The following COL4A5 variants were observed in gnomAD, a reference collection of about 807,000 sequenced individuals.
COL4A5 encodes the protein collagen alpha-5(IV) chain.
In COL4A5, 26 loss-of-function variants were observed where a neutral mutation model predicts 130.2. The observed-to-expected ratio is 0.20, with a 90% CI of 0.15 to 0.28. The LOEUF is 0.28. Ranked by LOEUF, COL4A5 falls within the 10% of genes least tolerant of loss-of-function variation. The pLI is 1.00. For missense variants in COL4A5, 1,131 were observed against 1,344.3 expected, an observed-to-expected ratio of 0.84 and a Z score of 2.48; for synonymous variants, 496 against 439.6, an observed-to-expected ratio of 1.13 and a Z score of -1.60.
intron 1 of COL4A5, among the ~76,000 whole-genome samples, chrX:108,457,183 G>A (rs772027066): frequency 8.9e-6 from 1 of 111,966 alleles, no homozygotes; most frequent in Non-Finnish European, 1.9e-5. Flanking sequence ...CAAGTCTTTG[G>A]GTAGACAAAT....
intron 1 of COL4A5, among the ~76,000 whole-genome samples, chrX:108,478,240 G>T (rs1046906530): frequency 1.8e-5 from 2 of 111,509 alleles, no homozygotes; most frequent in South Asian, 7.7e-4. Flanking sequence ...AGGTAGGAGG[G>T]GCCCAAAGTG....
intron 29 of COL4A5, among the ~76,000 whole-genome samples, chrX:108,613,876 G>A (rs2066880089): frequency 8.9e-6 from 1 of 111,826 alleles, no homozygotes; most frequent in South Asian, 3.7e-4. Flanking sequence ...AAAACAGTTT[G>A]ACAATTTCTT....
chrX:108,655,526 G>T, intron 37 of COL4A5, 69 bp downstream of exon 37: 1 of 1,130,332 alleles, frequency 8.8e-7, no homozygotes, highest in Non-Finnish European at 1.2e-6. Flanking sequence ...TCACAGAGCA[G>T]CTTCTTATTT....
At chrX:108,562,366 G>A (rs1199510938) in intron 3 of COL4A5, among the ~76,000 whole-genome samples, 1 of 111,884 alleles carries the variant, frequency 8.9e-6, no homozygotes, top group African/African-American at 3.2e-5. Flanking sequence ...ATTAGGGACT[G>A]AGTTTCTTGC....
intron 44 of COL4A5, among the ~76,000 whole-genome samples, chrX:108,679,325 T>C (rs1363126769): frequency 8.9e-6 from 1 of 111,831 alleles, no homozygotes; most frequent in African/African-American, 3.2e-5. Context: ...AGTGGCAAAA[T>C]GATGTTGTTT....
chrX:108,506,711 G>A lies in COL4A5; in HGVS notation c.82-33035G>A, dbSNP rs146744557. Reference sequence around the variant, plus strand: ...TGTGTGGCCTGGTTCCTAATGGTACGATTTGGTTCCATAGACTGGTACCTG... The same window carrying A: ...TGTGTGGCCTGGTTCCTAATGGTACAATTTGGTTCCATAGACTGGTACCTG... On this transcript the variant is annotated intron_variant, in intron 1 of 52. Coordinates refer to ENST00000328300, the MANE Select transcript of COL4A5 (RefSeq NM_033380.3). Among the ~76,000 whole-genome samples the A allele has an allele frequency of 1.5e-3, 170 of 110,886 alleles. 1 individual carries two copies. The East Asian group carries it at 0.044, about 28-fold the overall frequency.
intron 29 of COL4A5, among the ~76,000 whole-genome samples, chrX:108,609,427 A>G (rs889817917): frequency 5.4e-5 from 6 of 111,355 alleles, no homozygotes; most frequent in Non-Finnish European, 1.1e-4. Flanking sequence ...ATTTTGAAAG[A>G]TGGTTTGTTT....
chrX:108,598,783 G>A lies in COL4A5; in HGVS notation c.1861G>A (p.Gly621Ser), dbSNP rs104886141. 8.3e-7 allele frequency: 1 copy of A among 1,210,730 alleles called. No homozygotes were observed. The highest frequency in any genetic ancestry group is 1.1e-6 in the Non-Finnish European group (1 of 894,697). The change falls in exon 25 of 53, where the codon GGT becomes AGT. Residue 621 changes from glycine to serine, a missense_variant. By Grantham distance (56) the Gly-to-Ser change is moderately conservative. Coordinates refer to ENST00000328300, the MANE Select transcript of COL4A5 (RefSeq NM_033380.3). ...CCTCCCAGGGAATATAGGGCCTATG[G>A]GTCCCCCTGGTTTCGGCCCTCCAGG... ...PGLPGNIGPMGPPGFGPPGPV... is the reference protein window; with the variant it reads ...PGLPGNIGPMSPPGFGPPGPV...
Position 108,547,530 on chromosome X carries a change from C to T in COL4A5, c.141+7725C>T, listed in dbSNP as rs191561891. Among the ~76,000 whole-genome samples the T allele has an allele frequency of 1.5e-4, 17 of 111,975 alleles. No individual in the cohort carries two copies. The South Asian group carries it at 3.4e-3, about 22-fold the overall frequency. ...GTCAGTCTGCCCCTACTGGGGGTTG[C>T]GTCCCAGTTAGGCTACTCAGGGGTC... On this transcript the variant is annotated intron_variant, in intron 2 of 52. Coordinates refer to ENST00000328300, the MANE Select transcript of COL4A5 (RefSeq NM_033380.3).
At chrX:108,471,994 C>A (rs1297812505) in intron 1 of COL4A5, among the ~76,000 whole-genome samples, 2 of 111,264 alleles carry the variant, frequency 1.8e-5, no homozygotes, top group Non-Finnish European at 3.8e-5. Context: ...TTCCTCGTTA[C>A]AATTTCCTTC....
At chrX:108,461,781 G>C (rs974593419) in intron 1 of COL4A5, among the ~76,000 whole-genome samples, 1 of 111,019 alleles carries the variant, frequency 9.0e-6, no homozygotes, top group African/African-American at 3.3e-5. Flanking sequence ...CTTTAGTAGA[G>C]ACAGGTTTTC....
At chrX:108,640,600 T>A (rs1184466508) in intron 36 of COL4A5, among the ~76,000 whole-genome samples, 1 of 111,715 alleles carries the variant, frequency 9.0e-6, no homozygotes, top group Non-Finnish European at 1.9e-5. Context: ...TTAACTAATT[T>A]CATTGTGGAT....
chrX:108,662,711 G>T (rs1022482525), intron 37 of COL4A5, among the ~76,000 whole-genome samples: 1 of 111,647 alleles, frequency 9.0e-6, no homozygotes, highest in Non-Finnish European at 1.9e-5. Context: ...AGGAAATAAG[G>T]ACACAAACAA....
At position 108,623,450 on chromosome X, in the gene COL4A5, C is replaced by CTTTTT. The variant is rs370251484; in HGVS notation, c.2917+625_2917+626insTTTTT. 7.0e-5 allele frequency among the ~76,000 whole-genome samples: 7 copies of CTTTTT among 99,484 alleles called. No homozygotes were observed. In the East Asian group the frequency reaches 2.2e-3, roughly 31 times the overall value. 86.4% of individuals were successfully genotyped at this position (99,484 alleles called of 115,157 possible). On this transcript the variant is annotated intron_variant, in intron 33 of 52. Coordinates refer to ENST00000328300, the MANE Select transcript of COL4A5 (RefSeq NM_033380.3). ...CGTGGGGTTTTCAATAAAAAAAAAA[C>CTTTTT]CTTTTTTATAGAAGTATAACATGTT...
chrX:108,647,344 T>C (rs1475502285), intron 36 of COL4A5, among the ~76,000 whole-genome samples: 1 of 111,695 alleles, frequency 9.0e-6, no homozygotes, highest in Non-Finnish European at 1.9e-5. Context: ...TTTGAAGCAA[T>C]TGTGAATGGG....
chrX:108,601,678 C>T (rs763122408), intron 26 of COL4A5, among the ~76,000 whole-genome samples, 193 bp downstream of exon 26: 17 of 109,835 alleles, frequency 1.5e-4, no homozygotes, highest in African/African-American at 5.3e-4. Context: ...TTACAGGCGC[C>T]CACCACCACG....
intron 1 of COL4A5, among the ~76,000 whole-genome samples, chrX:108,468,429 T>C (rs60075631): frequency 0.1 from 11,594 of 111,733 alleles, 1,297 homozygotes; most frequent in African/African-American, 0.33. Flanking sequence ...GCATCCTTAG[T>C]TTGTTCCTGA....
In COL4A5 at chrX:108,548,203, C is replaced by T. The variant is rs192863197; in HGVS notation, c.141+8398C>T. Among the ~76,000 whole-genome samples the T allele has an allele frequency of 2.6e-3, 290 of 112,075 alleles. 1 individual carries two copies. Among genetic ancestry groups the T allele is most frequent in the African/African-American group, 8.9e-3 (274 of 30,829 alleles). ...AATTACCTGTCTTCTGCATCGCTCA[C>T]GCTGGGAGCTGTAGACTGGGGCTGT... is the stretch of plus-strand genomic sequence containing the variant. On this transcript the variant is annotated intron_variant, in intron 2 of 52. Coordinates refer to ENST00000328300, the MANE Select transcript of COL4A5 (RefSeq NM_033380.3).
chrX:108,586,668 G>T lies in COL4A5; in HGVS notation c.1086G>T (p.Gly362=), dbSNP rs773438026. The change falls in exon 19 of 53, where the codon GGG becomes GGT. Residue 362 remains glycine (G), a synonymous_variant. Transcript: ENST00000328300. ...GITIGEKGNI[G]LPGLPGEKGE... ...CTATAGGAGAAAAAGGAAACATTGG[G>T]TTGCCTGGGTTGCCTGGAGAAAAAG... 12 of 1,205,374 alleles carry T rather than the reference G, an allele frequency of 1.0e-5. 1 individual carries two copies. In the South Asian group the frequency reaches 2.1e-4, roughly 21 times the overall value.
Sources: allele counts gnomAD v4.1 joint callset (sites outside exome capture counted in the v4.1 genomes callset), GRCh38; gene constraint gnomAD v4.1.1; transcripts MANE v1.5; gene names NCBI Gene and HGNC (gene_info 2026-07-23, HGNC 2026-07-21).